The following PCDH15 variants were observed in gnomAD, a reference collection of about 807,000 sequenced individuals.
The protein encoded by PCDH15 is protocadherin-15.
A neutral mutation model predicts 178.5 loss-of-function variants in PCDH15; 129 were observed. The ratio of observed to expected loss-of-function variants is 0.72; its 90% CI spans 0.63 to 0.84. The LOEUF is 0.84. PCDH15 is among the 40% of genes least tolerant of loss of function. The pLI is 0.00. For missense variants in PCDH15, 2,230 were observed against 2,099.9 expected (o/e 1.06, Z -1.21); for synonymous variants, 800 against 732.0 (o/e 1.09, Z -1.50).
rs71004489 is a variant in PCDH15 at position 53,888,291 on chromosome 10, C to CATATATAT, written c.3501+14944_3501+14951dup. On this transcript the variant is annotated intron_variant, in intron 26 of 37. Coordinates refer to ENST00000644397, the MANE Select transcript of PCDH15 (RefSeq NM_001384140.1). The stretch of plus-strand genomic sequence containing the variant: ...AATAAACATTCCAACACTATATATA[C>CATATATAT]ATATATATATATATATATGTATATA... Among the ~76,000 whole-genome samples the CATATATAT allele has an allele frequency of 2.2e-3, 107 of 48,824 alleles. 5 individuals carry two copies. The highest frequency in any genetic ancestry group is 5.2e-3 in the African/African-American group (103 of 19,906). 32.0% of individuals were successfully genotyped at this position (48,824 alleles called of 152,430 possible).
intron 3 of PCDH15, among the ~76,000 whole-genome samples, chr10:54,836,355 C>T (rs539470857): frequency 7.2e-5 from 11 of 152,176 alleles, no homozygotes; most frequent in Non-Finnish European, 1.3e-4. Flanking sequence ...AATAAAATCT[C>T]GATCTTGTTA....
intron 2 of PCDH15, among the ~76,000 whole-genome samples, chr10:55,524,427 T>A (rs983752049): frequency 6.6e-6 from 1 of 151,774 alleles, no homozygotes; most frequent in African/African-American, 2.4e-5. Flanking sequence ...AATTGGAAAG[T>A]CTTAGTATGT....
intron 6 of PCDH15, among the ~76,000 whole-genome samples, chr10:54,338,309 G>T (rs934192178): frequency 2.0e-5 from 3 of 152,034 alleles, no homozygotes; most frequent in African/African-American, 7.3e-5. Flanking sequence ...ACCCTGAAAA[G>T]TATTATTAAA....
intron 2 of PCDH15, among the ~76,000 whole-genome samples, chr10:54,922,858 G>A (rs1015380488): frequency 1.3e-5 from 2 of 152,112 alleles, no homozygotes; most frequent in African/African-American, 4.8e-5. Context: ...ACTGTTGATG[G>A]ATCAAACATT....
chr10:54,753,709 A>G (rs901145041), intron 1 of PCDH15, among the ~76,000 whole-genome samples: 1 of 152,132 alleles, frequency 6.6e-6, no homozygotes, highest in African/African-American at 2.4e-5. Flanking sequence ...ATATTGCTCT[A>G]TATACACTAG....
At chr10:55,479,335 A>T (rs567590193) in intron 2 of PCDH15, among the ~76,000 whole-genome samples, 1 of 151,778 alleles carries the variant, frequency 6.6e-6, no homozygotes, top group African/African-American at 2.4e-5. Context: ...AGATGATTCA[A>T]CATATGCAAA....
At chr10:53,981,913 C>T (rs945271440) in intron 21 of PCDH15, among the ~76,000 whole-genome samples, 1 of 150,590 alleles carries the variant, frequency 6.6e-6, no homozygotes, top group African/African-American at 2.4e-5. Flanking sequence ...TTTTCACAAC[C>T]TACTCATCTG....
intron 2 of PCDH15, among the ~76,000 whole-genome samples, chr10:54,555,697 A>G (rs957193387): frequency 2.7e-5 from 4 of 148,200 alleles, no homozygotes; most frequent in African/African-American, 9.9e-5. Context: ...AGATCATGCC[A>G]CTGCACTCCA....
chr10:54,112,647 C>A (rs2095047087), intron 15 of PCDH15, among the ~76,000 whole-genome samples: 1 of 152,224 alleles, frequency 6.6e-6, no homozygotes, highest in Admixed American at 6.5e-5. Context: ...GGTTTTCAGG[C>A]AGGTGGAGAC....
intron 13 of PCDH15, among the ~76,000 whole-genome samples, chr10:54,171,406 C>T (rs1046844643): frequency 4.6e-5 from 7 of 152,146 alleles, no homozygotes; most frequent in East Asian, 3.9e-4. Context: ...CCCATTTGAG[C>T]GGTATAGATG....
chr10:54,513,748 T>C (rs1049095230), intron 3 of PCDH15, among the ~76,000 whole-genome samples: 1 of 152,198 alleles, frequency 6.6e-6, no homozygotes, highest in Non-Finnish European at 1.5e-5. Context: ...CTGTTATTTG[T>C]GAAACTCATG....
At chr10:54,518,431 A>T (rs926685463) in intron 3 of PCDH15, among the ~76,000 whole-genome samples, 1 of 152,164 alleles carries the variant, frequency 6.6e-6, no homozygotes, top group African/African-American at 2.4e-5. Flanking sequence ...TACTACAAAC[A>T]CCTCTACGCA....
At chr10:54,546,681 A>C (rs1279852618) in intron 2 of PCDH15, among the ~76,000 whole-genome samples, 1 of 152,318 alleles carries the variant, frequency 6.6e-6, no homozygotes, top group East Asian at 1.9e-4. Context: ...CTGTAATGTG[A>C]AATCTGTTTT....
intron 2 of PCDH15, among the ~76,000 whole-genome samples, chr10:54,550,657 G>A (rs961568351): frequency 6.6e-6 from 1 of 152,112 alleles, no homozygotes; most frequent in South Asian, 2.1e-4. Context: ...AATTTTCTAT[G>A]CAAGTACCTA....
intron 13 of PCDH15, among the ~76,000 whole-genome samples, chr10:54,161,599 C>T (rs934597417): frequency 2.7e-5 from 4 of 148,168 alleles, no homozygotes; most frequent in African/African-American, 5.0e-5. Context: ...ACCCCCACCC[C>T]ACCATACCCT....
chr10:53,967,508 G>A lies in PCDH15; in HGVS notation c.2869-5616C>T, dbSNP rs372615264. 4.9e-4 allele frequency among the ~76,000 whole-genome samples: 75 copies of A among 152,294 alleles called. No individual in the cohort carries two copies. In the South Asian group the frequency reaches 0.013, roughly 26 times the overall value. ...GTTGGTCCAGAACTCCTGGCCTCAA[G>A]TGTTCCTTTCAGTTTGGCCTCCCAA... On this transcript the variant is annotated intron_variant, in intron 21 of 37. Transcript: ENST00000644397.
chr10:54,517,858 T>G (rs1475400110), intron 3 of PCDH15, among the ~76,000 whole-genome samples: 2 of 152,074 alleles, frequency 1.3e-5, no homozygotes, highest in Non-Finnish European at 2.9e-5. Context: ...TATAACAAAT[T>G]GTCTCTCAGA....
chr10:54,682,496 A>T lies in PCDH15; in HGVS notation c.-28-18206T>A, dbSNP rs1400023247. ...ATTGGTCATTTATATAATGGCATTT[A>T]TTGCATCTTTACCACGAACAATATG... is the stretch of plus-strand genomic sequence containing the variant. On this transcript the variant is annotated intron_variant, in intron 1 of 37. Transcript: ENST00000644397. Among the ~76,000 whole-genome samples the T allele has an allele frequency of 2.0e-5, 3 of 152,318 alleles. No homozygotes were observed. The East Asian group carries it at 5.8e-4, about 29-fold the overall frequency.
chr10:54,144,582 C>T lies in PCDH15; in HGVS notation c.1784+8518G>A, dbSNP rs1318149354. Reference sequence around the variant, plus strand: ...ATATATTCCCATAATTTTAGTTGGTCGGGAGGATGGACTTGAGACTGATCT... The same window carrying T: ...ATATATTCCCATAATTTTAGTTGGTTGGGAGGATGGACTTGAGACTGATCT... On this transcript the variant is annotated intron_variant, in intron 14 of 37. Coordinates refer to ENST00000644397, the MANE Select transcript of PCDH15 (RefSeq NM_001384140.1). Among the ~76,000 whole-genome samples the T allele has an allele frequency of 3.9e-5, 6 of 151,970 alleles. 1 individual carries two copies. The East Asian group carries it at 5.8e-4, about 15-fold the overall frequency.
Sources: allele counts gnomAD v4.1 joint callset (sites outside exome capture counted in the v4.1 genomes callset), GRCh38; gene constraint gnomAD v4.1.1; transcripts MANE v1.5; gene names NCBI Gene and HGNC (gene_info 2026-07-23, HGNC 2026-07-21).